AGBL4: variants seen among roughly 807,000 people sequenced by gnomAD.
The protein encoded by AGBL4 is AGBL carboxypeptidase 4.
AGBL4 carries 58 observed loss-of-function variants against 66.4 expected under a neutral mutation model. The observed-to-expected ratio is 0.87, with a 90% CI of 0.71 to 1.09. AGBL4 has a LOEUF of 1.09. Among genes scored for constraint, AGBL4 ranks in the 50% least tolerant of loss-of-function variants. The pLI, the probability that AGBL4 is intolerant of heterozygous loss-of-function variation, is 0.00. For synonymous variants in AGBL4, 234 were observed against 222.9 expected, an observed-to-expected ratio of 1.05 and a Z score of -0.44; for missense variants, 579 against 631.0, an observed-to-expected ratio of 0.92 and a Z score of 0.88.
chr1:49,949,682 C>A (rs1158426005), intron 1 of AGBL4, among the ~76,000 whole-genome samples: 3 of 151,392 alleles, frequency 2.0e-5, no homozygotes. Context: ...CATGAATGGC[C>A]ATAATCAAAA....
intron 1 of AGBL4, among the ~76,000 whole-genome samples, chr1:50,002,359 CTTTTTTT>C (rs372960346): frequency 7.3e-5 from 7 of 96,030 alleles, no homozygotes; most frequent in African/African-American, 2.3e-4. Flanking sequence ...TGCCCTAGTT[CTTTTTTT>C]TTTTTTTTTT....
At chr1:49,638,207 T>G (rs1645714692) in intron 3 of AGBL4, among the ~76,000 whole-genome samples, 1 of 152,220 alleles carries the variant, frequency 6.6e-6, no homozygotes, top group African/African-American at 2.4e-5. Flanking sequence ...CCTTAGTTAC[T>G]CTTTTACCTC....
chr1:49,546,687 G>C (rs138324639), intron 3 of AGBL4, among the ~76,000 whole-genome samples: 25 of 151,958 alleles, frequency 1.6e-4, no homozygotes, highest in African/African-American at 6.0e-4. Flanking sequence ...TGATTTTTTT[G>C]ATTATGGCCA....
At chr1:49,203,359 G>A (rs937319072) in intron 4 of AGBL4, among the ~76,000 whole-genome samples, 6 of 152,034 alleles carry the variant, frequency 3.9e-5, no homozygotes, top group Admixed American at 6.6e-5. Flanking sequence ...GAGCCAAGTT[G>A]TAGAAGCCTT....
intron 3 of AGBL4, among the ~76,000 whole-genome samples, chr1:49,530,027 G>C (rs538780393): frequency 1.3e-5 from 2 of 151,696 alleles, no homozygotes; most frequent in African/African-American, 4.8e-5. Context: ...CACACAGTAG[G>C]GCTCAGTAAA....
chr1:48,782,259 G>A (rs1390355036), intron 6 of AGBL4, among the ~76,000 whole-genome samples: 1 of 152,130 alleles, frequency 6.6e-6, no homozygotes. Context: ...CATTTTAATG[G>A]AGCAGAAAAT....
chr1:48,739,774 G>A (rs993793902), intron 6 of AGBL4, among the ~76,000 whole-genome samples: 6 of 152,152 alleles, frequency 3.9e-5, no homozygotes, highest in Admixed American at 6.5e-5. Context: ...CCATGTTTCC[G>A]CTCCTGCCAT....
At chr1:49,454,437 C>G (rs777984618) in intron 3 of AGBL4, among the ~76,000 whole-genome samples, 1 of 151,628 alleles carries the variant, frequency 6.6e-6, no homozygotes, top group Non-Finnish European at 1.5e-5. Flanking sequence ...CAGGCAGAGG[C>G]TGGGCAATAC....
At chr1:49,183,628 AC>A (rs1277694714) in intron 4 of AGBL4, among the ~76,000 whole-genome samples, 1 of 151,922 alleles carries the variant, frequency 6.6e-6, no homozygotes, top group Non-Finnish European at 1.5e-5. Context: ...TCCTATCCCT[AC>A]CTCCACCCAC....
At chr1:48,531,542 T>C (rs930224641), downstream of AGBL4, among the ~76,000 whole-genome samples, 3 of 152,164 alleles carry the variant, frequency 2.0e-5, no homozygotes, top group African/African-American at 4.8e-5. Flanking sequence ...CATCCAGTGG[T>C]TGGCAATTCA....
intron 3 of AGBL4, among the ~76,000 whole-genome samples, chr1:49,461,449 AT>A (rs141884549): frequency 0.019 from 2,704 of 145,508 alleles, 56 homozygotes; most frequent in Non-Finnish European, 0.028. Flanking sequence ...GGAAGTTGTG[AT>A]TTTTTTTTTA....
At chr1:49,906,785 G>A (rs1352621528) in intron 1 of AGBL4, among the ~76,000 whole-genome samples, 8 of 152,048 alleles carry the variant, frequency 5.3e-5, no homozygotes, top group Non-Finnish European at 1.2e-4. Context: ...AATTGGTACA[G>A]ACTATTCTTT....
At chr1:48,690,398 A>G (rs1461543903) in intron 6 of AGBL4, among the ~76,000 whole-genome samples, 1 of 152,174 alleles carries the variant, frequency 6.6e-6, no homozygotes, top group Non-Finnish European at 1.5e-5. Context: ...CAACTTTCCC[A>G]AGGTTTTACA....
At chr1:49,845,138 C>T (rs752838580) in intron 2 of AGBL4, 51 of 1,395,702 alleles carry the variant, frequency 3.7e-5, no homozygotes, top group South Asian at 2.4e-4. Flanking sequence ...CACCACCGTA[C>T]GCATACAGGA....
intron 3 of AGBL4, among the ~76,000 whole-genome samples, chr1:49,378,087 C>T (rs1264014449): frequency 6.6e-6 from 1 of 151,942 alleles, no homozygotes; most frequent in Admixed American, 6.6e-5. Context: ...TCTCCCAACA[C>T]AAACTTCCTG....
chr1:49,939,723 C>T lies in AGBL4; in HGVS notation c.34+84040G>A, dbSNP rs181223418. 4.1e-4 allele frequency among the ~76,000 whole-genome samples: 62 copies of T among 152,178 alleles called. 1 individual carries two copies. In the East Asian group the frequency reaches 9.3e-3, roughly 23 times the overall value. ...TAATTCAAGATGGATTAGACTTAAA[C>T]GTTAGACCTAAAACCATGAATAACC... On this transcript the variant is annotated intron_variant, in intron 1 of 13. Transcript: ENST00000371839.
At chr1:48,923,301 T>C (rs1337617163) in intron 5 of AGBL4, among the ~76,000 whole-genome samples, 1 of 152,166 alleles carries the variant, frequency 6.6e-6, no homozygotes, top group Non-Finnish European at 1.5e-5. Context: ...GAACTCTTTC[T>C]GCTGAGCCAC....
chr1:49,595,848 T>C (rs1644842490), intron 3 of AGBL4, among the ~76,000 whole-genome samples: 1 of 152,126 alleles, frequency 6.6e-6, no homozygotes, highest in South Asian at 2.1e-4. Flanking sequence ...CAGAACTACA[T>C]AGCCATATTT....
At chr1:48,812,968 G>A (rs1646088750) in intron 6 of AGBL4, among the ~76,000 whole-genome samples, 1 of 151,972 alleles carries the variant, frequency 6.6e-6, no homozygotes. Context: ...TGTGGGGTGG[G>A]GGGAGAGGGG....
Sources: allele counts gnomAD v4.1 joint callset (sites outside exome capture counted in the v4.1 genomes callset), GRCh38; gene constraint gnomAD v4.1.1; transcripts MANE v1.5; gene names NCBI Gene and HGNC (gene_info 2026-07-23, HGNC 2026-07-21).